Variants in PIP5K1B observed in about 807,000 individuals in gnomAD.
The protein encoded by PIP5K1B is phosphatidylinositol 4-phosphate 5-kinase type-1 beta.
Under a neutral mutation model 67.0 loss-of-function variants are expected in PIP5K1B, and 42 were observed. That is an observed-to-expected ratio of 0.63 (90% CI 0.49 to 0.81). The LOEUF is 0.81. Among genes scored for constraint, PIP5K1B ranks in the 30% least tolerant of loss-of-function variants. The pLI, the probability that PIP5K1B is intolerant of heterozygous loss-of-function variation, is 0.00. For missense variants in PIP5K1B, 459 were observed against 646.3 expected, an observed-to-expected ratio of 0.71 and a Z score of 3.14; for synonymous variants, 214 against 231.4, an observed-to-expected ratio of 0.92 and a Z score of 0.68.
chr9:68,952,390 T>C (rs1828126427), intron 14 of PIP5K1B, among the ~76,000 whole-genome samples: 1 of 152,170 alleles, frequency 6.6e-6, no homozygotes, highest in East Asian at 1.9e-4. Context: ...AAATGTTACT[T>C]TGGGGCCTCT....
At position 69,000,852 on chromosome 9, in the gene PIP5K1B, C is replaced by T. The variant is rs1040691728; in HGVS notation, c.1621-7595C>T. On this transcript the variant is annotated intron_variant, in intron 15 of 15. Transcript: ENST00000265382. ...GTGTTTTTGTAAAGGAAAATGCCGC[C>T]GAGGAAAGTGCTGAGATGGAAAAGG... Among the ~76,000 whole-genome samples, 11 of 151,034 alleles carry T rather than the reference C, an allele frequency of 7.3e-5. 1 individual carries two copies. The highest frequency in any genetic ancestry group is 3.3e-4 in the Admixed American group (5 of 15,188).
At chr9:68,815,857 A>G (rs751298524) in intron 2 of PIP5K1B, among the ~76,000 whole-genome samples, 2 of 152,120 alleles carry the variant, frequency 1.3e-5, no homozygotes, top group Non-Finnish European at 2.9e-5. Flanking sequence ...TAGAAATATA[A>G]GGATTTATAT....
At chr9:68,716,069 G>A (rs1279379044) in intron 1 of PIP5K1B, among the ~76,000 whole-genome samples, 1 of 152,208 alleles carries the variant, frequency 6.6e-6, no homozygotes, top group African/African-American at 2.4e-5. Flanking sequence ...ACCCATATGT[G>A]TGGATTACTT....
intron 2 of PIP5K1B, among the ~76,000 whole-genome samples, chr9:68,746,335 T>C (rs899609404): frequency 6.6e-6 from 1 of 152,128 alleles, no homozygotes; most frequent in Admixed American, 6.5e-5. Context: ...CACCTCAGCC[T>C]CCCAAAGTGT....
chr9:68,826,182 G>T (rs978706410), intron 4 of PIP5K1B, among the ~76,000 whole-genome samples: 4 of 152,192 alleles, frequency 2.6e-5, no homozygotes, highest in Admixed American at 1.3e-4. Flanking sequence ...AGGCTGCCTG[G>T]CTATATTTAC....
At chr9:68,966,906 T>A (rs1163319333) in intron 14 of PIP5K1B, among the ~76,000 whole-genome samples, 1 of 152,228 alleles carries the variant, frequency 6.6e-6, no homozygotes, top group Non-Finnish European at 1.5e-5. Flanking sequence ...AGTATACAGC[T>A]GTATGCAGAG....
intron 14 of PIP5K1B, among the ~76,000 whole-genome samples, chr9:68,941,695 A>T (rs1404659035): frequency 6.6e-6 from 1 of 152,224 alleles, no homozygotes; most frequent in Non-Finnish European, 1.5e-5. Flanking sequence ...CAGGTGAAGA[A>T]TTCCTTACGC....
intron 14 of PIP5K1B, among the ~76,000 whole-genome samples, chr9:68,950,337 C>T (rs1827997663): frequency 6.6e-6 from 1 of 152,190 alleles, no homozygotes; most frequent in Non-Finnish European, 1.5e-5. Flanking sequence ...TTTCACTCTG[C>T]TGTTTGCTTT....
rs562752900 is a variant in PIP5K1B at position 68,840,395 on chromosome 9, A to T, written c.69+17712A>T. On this transcript the variant is annotated intron_variant, in intron 4 of 15. Coordinates refer to ENST00000265382, the MANE Select transcript of PIP5K1B (RefSeq NM_003558.4). ...TCCATCTCAAAAAAAAAAAAAAGAA[A>T]ATATTTCACACTTGCTATATGTATT... Among the ~76,000 whole-genome samples, 116 of 152,308 alleles carry T rather than the reference A, an allele frequency of 7.6e-4. 1 individual carries two copies. The highest frequency in any genetic ancestry group is 3.4e-3 in the Middle Eastern group (1 of 294).
rs558789275 is a variant in PIP5K1B, at chr9:68,991,624, T to C, written c.1620+367T>C. On this transcript the variant is annotated intron_variant, in intron 15 of 15. Coordinates refer to ENST00000265382, the MANE Select transcript of PIP5K1B (RefSeq NM_003558.4). ...TGGCGTTGCTCCCTTGGTAAGTTAG[T>C]AGGCCGAGAGGCGCAGAACTGGGTC... Among the ~76,000 whole-genome samples, 114 of 152,316 alleles carry C rather than the reference T, an allele frequency of 7.5e-4. 1 individual carries two copies. In the Middle Eastern group the frequency reaches 0.02, roughly 27 times the overall value.
chr9:68,814,971 A>G (rs1056758474), intron 2 of PIP5K1B, among the ~76,000 whole-genome samples: 10 of 152,196 alleles, frequency 6.6e-5, no homozygotes, highest in Non-Finnish European at 1.3e-4. Flanking sequence ...ATCTATTTCT[A>G]TGGCCACAGG....
chr9:68,894,458 A>T lies in PIP5K1B; in HGVS notation c.591A>T (p.Arg197Ser). 6.2e-7 allele frequency: 1 copy of T among 1,614,188 alleles called. No homozygotes were observed. Among genetic ancestry groups the T allele is most frequent in the African/African-American group, 1.3e-5 (1 of 75,054 alleles). ...ACAACGTTTTGCCACGCTCCATGAG[A>T]ATGCACTTTACATATGACTTGAAAG... Reference protein sequence around the residue: ...VMNNVLPRSMRMHFTYDLKGS... With the variant: ...VMNNVLPRSMSMHFTYDLKGS... The change falls in exon 8 of 16, where the codon AGA (arginine) becomes AGT (serine). Residue 197 changes from arginine to serine, a missense_variant. Transcript: ENST00000265382.
At chr9:68,885,566 T>C (rs995623856) in intron 6 of PIP5K1B, among the ~76,000 whole-genome samples, 5 of 152,314 alleles carry the variant, frequency 3.3e-5, no homozygotes, top group African/African-American at 1.2e-4. Flanking sequence ...AATACATATA[T>C]ACAATTATTA....
In PIP5K1B at chr9:68,798,297, C is replaced by G. The variant is rs150730480; in HGVS notation, c.-85-20164C>G. 5.4e-3 allele frequency among the ~76,000 whole-genome samples: 815 copies of G among 152,226 alleles called. 6 individuals carry two copies. Among genetic ancestry groups the G allele is most frequent in the African/African-American group, 0.018 (766 of 41,534 alleles). ...GTTCACTTGGTAAATATTTCTTGAGCTCTTACTGTAGACACTGTGGACCAG... is the reference window on the plus strand; with the variant it reads ...GTTCACTTGGTAAATATTTCTTGAGGTCTTACTGTAGACACTGTGGACCAG... On this transcript the variant is annotated intron_variant, in intron 2 of 15. Transcript: ENST00000265382.
intron 4 of PIP5K1B, among the ~76,000 whole-genome samples, chr9:68,832,581 T>G (rs1284893420): frequency 1.3e-5 from 2 of 152,112 alleles, no homozygotes; most frequent in Non-Finnish European, 2.9e-5. Context: ...CCCTTCAACA[T>G]ATCATTAAGG....
chr9:68,846,085 A>G (rs1307366734), intron 4 of PIP5K1B, among the ~76,000 whole-genome samples: 2 of 152,216 alleles, frequency 1.3e-5, no homozygotes, highest in Non-Finnish European at 2.9e-5. Context: ...CTTACACAAA[A>G]TAAGCACTTA....
At chr9:68,860,753 C>T (rs1823023975) in intron 4 of PIP5K1B, among the ~76,000 whole-genome samples, 1 of 152,166 alleles carries the variant, frequency 6.6e-6, no homozygotes, top group Admixed American at 6.5e-5. Context: ...GTTACTATGC[C>T]TCACGGTTCT....
chr9:68,966,434 C>T (rs1045732475), intron 14 of PIP5K1B: 5 of 152,166 alleles, frequency 3.3e-5, no homozygotes, highest in Admixed American at 2.6e-4. Context: ...AGTGCATAAC[C>T]TTGACTTAAT....
At chr9:68,721,767 C>T (rs1827896048) in intron 1 of PIP5K1B, among the ~76,000 whole-genome samples, 1 of 152,064 alleles carries the variant, frequency 6.6e-6, no homozygotes, top group African/African-American at 2.4e-5. Flanking sequence ...GATGAAGACA[C>T]AGTATTATGA....
Sources: allele counts gnomAD v4.1 joint callset (sites outside exome capture counted in the v4.1 genomes callset), GRCh38; gene constraint gnomAD v4.1.1; transcripts MANE v1.5; gene names NCBI Gene and HGNC (gene_info 2026-07-23, HGNC 2026-07-21).